Variants in ENTREP2 observed in about 807,000 individuals in gnomAD.
ENTREP2 encodes protein ENTREP2.
At chr15:29,180,266 C>G in the ENTREP2 span, among the ~76,000 whole-genome samples, 1 of 152,188 alleles carries the variant, frequency 6.6e-6, no homozygotes, top group African/African-American at 2.4e-5. Context: ...CAAAAATTCA[C>G]CACAAAGTCG....
the ENTREP2 span, among the ~76,000 whole-genome samples, chr15:29,628,352 TAGG>T: frequency 6.6e-6 from 1 of 152,234 alleles, no homozygotes. Flanking sequence ...TGTTGAGTTG[TAGG>T]AGTTCTTTAT....
chr15:29,266,054 G>C, the ENTREP2 span: 2 of 152,114 alleles, frequency 1.3e-5, no homozygotes, highest in African/African-American at 4.8e-5. Flanking sequence ...TGTGGGAGAA[G>C]GTATTTGCAC....
chr15:29,128,287 C>T, the ENTREP2 span, among the ~76,000 whole-genome samples: 3,466 of 152,232 alleles, frequency 0.023, 131 homozygotes, highest in African/African-American at 0.078. Context: ...GCTCTGCACG[C>T]GACACCCACC....
chr15:29,475,559 G>T, the ENTREP2 span, among the ~76,000 whole-genome samples: 1 of 152,174 alleles, frequency 6.6e-6, no homozygotes, highest in Non-Finnish European at 1.5e-5. Flanking sequence ...GGCAAGAGGG[G>T]CTGAGGGAGG....
chr15:29,304,076 T>A, the ENTREP2 span, among the ~76,000 whole-genome samples: 18 of 152,066 alleles, frequency 1.2e-4, no homozygotes, highest in African/African-American at 4.3e-4. Context: ...AGAGATGGGG[T>A]TTCACCATGT....
At chr15:29,415,448 A>C in the ENTREP2 span, among the ~76,000 whole-genome samples, 1 of 152,178 alleles carries the variant, frequency 6.6e-6, no homozygotes, top group South Asian at 2.1e-4. Context: ...AGAATTCAAC[A>C]ACCCTTCATG....
the ENTREP2 span, among the ~76,000 whole-genome samples, chr15:29,360,949 G>A: frequency 6.6e-6 from 1 of 152,222 alleles, no homozygotes; most frequent in Non-Finnish European, 1.5e-5. Flanking sequence ...TGAGGCTGGA[G>A]AGAAGACTCA....
At chr15:29,479,637 CCT>C in the ENTREP2 span, among the ~76,000 whole-genome samples, 1 of 100,904 alleles carries the variant, frequency 9.9e-6, no homozygotes, top group Non-Finnish European at 2.0e-5. Flanking sequence ...TCTCTCCCTC[CCT>C]CTCTCTCTGT....
the ENTREP2 span, among the ~76,000 whole-genome samples, chr15:29,303,753 T>C: frequency 6.6e-6 from 1 of 152,114 alleles, no homozygotes; most frequent in Non-Finnish European, 1.5e-5. Context: ...GTATTTGGTT[T>C]TCTGTTCTTG....
At chr15:29,448,851 C>A in the ENTREP2 span, among the ~76,000 whole-genome samples, 3 of 152,046 alleles carry the variant, frequency 2.0e-5, no homozygotes, top group East Asian at 1.9e-4. Flanking sequence ...TTTGAAAAAT[C>A]AATCTGAAAG....
At chr15:29,453,821 A>C in the ENTREP2 span, among the ~76,000 whole-genome samples, 1 of 152,196 alleles carries the variant, frequency 6.6e-6, no homozygotes, top group African/African-American at 2.4e-5. Flanking sequence ...AGGCCACTGA[A>C]TATTCTTTGA....
the ENTREP2 span, chr15:29,151,907 C>T: frequency 8.6e-7 from 1 of 1,160,282 alleles, no homozygotes; most frequent in South Asian, 1.3e-5. Context: ...CCTTAGCCCT[C>T]CTGCCAGGGC....
chr15:29,181,606 A>G, the ENTREP2 span, among the ~76,000 whole-genome samples: 1 of 152,236 alleles, frequency 6.6e-6, no homozygotes, highest in East Asian at 1.9e-4. Flanking sequence ...CACATTAGAA[A>G]TCCATTCTAC....
At chr15:29,341,254 G>A in the ENTREP2 span, among the ~76,000 whole-genome samples, 279 of 152,226 alleles carry the variant, frequency 1.8e-3, 6 homozygotes, top group East Asian at 0.037. Context: ...TTCATTTTTC[G>A]GTTTATTCAT....
At chr15:29,566,457 C>A in the ENTREP2 span, among the ~76,000 whole-genome samples, 1 of 150,864 alleles carries the variant, frequency 6.6e-6, no homozygotes, top group South Asian at 2.1e-4. Flanking sequence ...ACCCACCGCA[C>A]CCAACCTATT....
chr15:29,128,757 C>G, the ENTREP2 span: 1 of 1,506,822 alleles, frequency 6.6e-7, no homozygotes, highest in Non-Finnish European at 9.0e-7. Context: ...ACAGGAACAC[C>G]CCACTTCAGG....
the ENTREP2 span, among the ~76,000 whole-genome samples, chr15:29,377,235 C>T: frequency 6.6e-6 from 1 of 152,136 alleles, no homozygotes. Context: ...GGGTACTTTG[C>T]TTTCTAGGTC....
At chr15:29,339,728 T>C in the ENTREP2 span, among the ~76,000 whole-genome samples, 1 of 152,220 alleles carries the variant, frequency 6.6e-6, no homozygotes, top group African/African-American at 2.4e-5. Flanking sequence ...TATAAAGAAC[T>C]GTCACTGTAA....
chr15:29,366,338 C>A, the ENTREP2 span, among the ~76,000 whole-genome samples: 1 of 152,132 alleles, frequency 6.6e-6, no homozygotes, highest in Admixed American at 6.5e-5. Context: ...GCCTCCCAAA[C>A]TGCTGGGATT....
Sources: gnomAD v4.1 joint callset for allele counts (sites outside exome capture counted in the v4.1 genomes callset) on GRCh38, gnomAD v4.1.1 for gene constraint, MANE v1.5 for transcripts, NCBI Gene and HGNC (gene_info 2026-07-23, HGNC 2026-07-21) for gene names.